PHKB: variants seen among roughly 807,000 people sequenced by gnomAD.
The protein encoded by PHKB is phosphorylase kinase regulatory subunit beta, also known as phosphorylase b kinase regulatory subunit beta.
PHKB carries 122 observed loss-of-function variants against 152.1 expected under a neutral mutation model. That is an observed-to-expected ratio of 0.80 (90% confidence interval 0.69 to 0.93). The LOEUF (loss-of-function observed/expected upper bound fraction) is 0.93, where lower values mean the gene tolerates loss of function less well. Among genes scored for constraint, PHKB ranks in the 40% least tolerant of loss-of-function variants. PHKB has a pLI of 0.00. For synonymous variants in PHKB, 436 were observed against 464.9 expected (o/e 0.94, Z 0.80); for missense variants, 1,304 against 1,328.4 (o/e 0.98, Z 0.29).
intron 6 of PHKB, among the ~76,000 whole-genome samples, chr16:47,520,483 A>G (rs1279933649): frequency 1.3e-5 from 2 of 152,224 alleles, no homozygotes. Context: ...ATTTAAACCA[A>G]GTAGTCTGAC....
At chr16:47,641,464 T>C in intron 15 of PHKB, 135 bp from the exon 16 acceptor site, 1 of 668,222 alleles carries the variant, frequency 1.5e-6, no homozygotes, top group African/African-American at 1.8e-5. Flanking sequence ...CTAGTGCAGA[T>C]GGCAAATTGC....
chr16:47,510,941 TG>T (rs1326731277), intron 4 of PHKB, among the ~76,000 whole-genome samples: 1 of 152,202 alleles, frequency 6.6e-6, no homozygotes, highest in Non-Finnish European at 1.5e-5. Flanking sequence ...GCACAGTACT[TG>T]TCACATCACT....
chr16:47,490,648 T>C (rs1283463977), intron 1 of PHKB, among the ~76,000 whole-genome samples: 1 of 152,348 alleles, frequency 6.6e-6, no homozygotes, highest in East Asian at 1.9e-4. Context: ...GCCTGTTAAA[T>C]ATGTTAGAGG....
intron 6 of PHKB, among the ~76,000 whole-genome samples, chr16:47,526,877 G>C (rs1869230312): frequency 1.3e-5 from 2 of 152,190 alleles, no homozygotes; most frequent in Admixed American, 1.3e-4. Flanking sequence ...AGGTCTGCAG[G>C]CTCTATAAGC....
At chr16:47,678,717 G>T (rs1000553152) in intron 26 of PHKB, among the ~76,000 whole-genome samples, 24 of 151,864 alleles carry the variant, frequency 1.6e-4, no homozygotes, top group Non-Finnish European at 2.2e-4. Flanking sequence ...CCATTCTGTA[G>T]GTTGCCTGTT....
chr16:47,580,911 C>T (rs560937959), intron 8 of PHKB, among the ~76,000 whole-genome samples: 4 of 151,946 alleles, frequency 2.6e-5, no homozygotes, highest in South Asian at 4.2e-4. Context: ...AGATCTTTAA[C>T]CAGTTTTTAT....
chr16:47,528,330 A>T (rs1378280174), intron 6 of PHKB, among the ~76,000 whole-genome samples: 1 of 152,174 alleles, frequency 6.6e-6, no homozygotes, highest in African/African-American at 2.4e-5. Flanking sequence ...GAAGAAAGTA[A>T]ATCATTTTTC....
At chr16:47,596,583 A>G in intron 13 of PHKB, 52 bp downstream of exon 13, 1 of 1,525,454 alleles carries the variant, frequency 6.6e-7, no homozygotes, top group South Asian at 1.1e-5. Context: ...TTAAGCTATT[A>G]GAAATAAATA....
chr16:47,486,306 G>A (rs141748097), intron 1 of PHKB, among the ~76,000 whole-genome samples: 81 of 152,292 alleles, frequency 5.3e-4, no homozygotes, highest in African/African-American at 1.8e-3. Context: ...GCCAGCATTA[G>A]AGATCCAAAG....
rs368219810 is a variant in PHKB, at chr16:47,511,812, T to C, written c.513+40T>C. 55 of 1,288,834 alleles carry C rather than the reference T, an allele frequency of 4.3e-5. 1 individual carries two copies. The highest frequency in any genetic ancestry group is 2.1e-4 in the South Asian group (18 of 84,288). 79.8% of individuals were successfully genotyped at this position (1,288,834 alleles called of 1,614,324 possible). On this transcript the variant is annotated intron_variant, in intron 5 of 30. Transcript: ENST00000323584. Reference sequence around the variant, plus strand: ...TACATTTTATTCTCCTTATATTATATAGCATAGAACAGTGATCCCCAACCT... The same window carrying C: ...TACATTTTATTCTCCTTATATTATACAGCATAGAACAGTGATCCCCAACCT...
At chr16:47,675,882 G>A (rs1305039277) in intron 26 of PHKB, 1 of 152,132 alleles carries the variant, frequency 6.6e-6, no homozygotes, top group Non-Finnish European at 1.5e-5. Context: ...TCTGCCCTAG[G>A]GATATCAGAC....
At chr16:47,604,459 G>T (rs1349844235) in intron 13 of PHKB, among the ~76,000 whole-genome samples, 1 of 152,034 alleles carries the variant, frequency 6.6e-6, no homozygotes, top group East Asian at 1.9e-4. Context: ...GGAATTTTCT[G>T]GTATAATATG....
At chr16:47,653,960 C>G (rs1362604865) in intron 20 of PHKB, among the ~76,000 whole-genome samples, 1 of 152,174 alleles carries the variant, frequency 6.6e-6, no homozygotes, top group African/African-American at 2.4e-5. Flanking sequence ...ATACTTCAGA[C>G]TTCCAGATGA....
At chr16:47,683,532 C>G (rs1287395380) in intron 26 of PHKB, among the ~76,000 whole-genome samples, 2 of 152,166 alleles carry the variant, frequency 1.3e-5, no homozygotes, top group Non-Finnish European at 2.9e-5. Flanking sequence ...TAGCAATCAG[C>G]GAGACTCCGT....
intron 29 of PHKB, 61 bp downstream of exon 29, chr16:47,696,549 G>A: frequency 3.2e-6 from 3 of 937,866 alleles, no homozygotes; most frequent in Non-Finnish European, 5.3e-6. Flanking sequence ...GTGAAAACTA[G>A]TATAAGGGAA....
chr16:47,508,012 C>A (rs1178946966), intron 4 of PHKB, among the ~76,000 whole-genome samples: 1 of 152,180 alleles, frequency 6.6e-6, no homozygotes, highest in Non-Finnish European at 1.5e-5. Flanking sequence ...ACTGTTTGAC[C>A]TCTAGCCTCA....
At chr16:47,624,713 C>G (rs973188490) in intron 14 of PHKB, among the ~76,000 whole-genome samples, 2 of 152,168 alleles carry the variant, frequency 1.3e-5, no homozygotes, top group Non-Finnish European at 2.9e-5. Context: ...CGCAGCTATT[C>G]ACCTCTCTCA....
chr16:47,611,067 G>T (rs1045335992), intron 14 of PHKB, 147 bp downstream of exon 14: 2 of 683,834 alleles, frequency 2.9e-6, no homozygotes, highest in Non-Finnish European at 5.3e-6. Flanking sequence ...ATTTACTTGT[G>T]GTGAAGGGCT....
intron 14 of PHKB, among the ~76,000 whole-genome samples, chr16:47,633,320 A>C (rs960718065): frequency 1.3e-5 from 2 of 152,226 alleles, no homozygotes; most frequent in Admixed American, 6.5e-5. Context: ...ATACTAAAAA[A>C]AAAAGTTCCT....
Sources: allele counts gnomAD v4.1 joint callset (sites outside exome capture counted in the v4.1 genomes callset), GRCh38; gene constraint gnomAD v4.1.1; transcripts MANE v1.5; gene names NCBI Gene and HGNC (gene_info 2026-07-23, HGNC 2026-07-21).